The following SYNRG variants were observed in gnomAD, a reference collection of about 807,000 sequenced individuals.
SYNRG encodes the protein AP1 gamma subunit binding protein 1.
A neutral mutation model predicts 130.9 loss-of-function variants in SYNRG; 37 were observed. That is an observed-to-expected ratio of 0.28 (90% confidence interval 0.22 to 0.37). The LOEUF is 0.37. SYNRG is among the 10% of genes least tolerant of loss of function. The probability of loss-of-function intolerance (pLI) is 1.00; values close to 1 mark genes in which losing one functional copy is unlikely to be tolerated. For synonymous variants in SYNRG, 539 were observed against 568.1 expected (o/e 0.95, Z 0.73); for missense variants, 1,338 against 1,588.9 (o/e 0.84, Z 2.68).
At chr17:37,592,969 T>C (rs2062338417) in intron 3 of SYNRG, among the ~76,000 whole-genome samples, 1 of 152,228 alleles carries the variant, frequency 6.6e-6, no homozygotes, top group African/African-American at 2.4e-5. Flanking sequence ...TTTACACATG[T>C]CCATCATGTG....
At chr17:37,561,706 T>C (rs2059547214) in intron 11 of SYNRG, 117 bp from the exon 12 acceptor site, 6 of 685,012 alleles carry the variant, frequency 8.8e-6, no homozygotes, top group East Asian at 2.7e-5. Context: ...CTCTCTGCTT[T>C]AAAAGTTAGA....
chr17:37,553,776 T>G lies in SYNRG; in HGVS notation c.1947A>C (p.Thr649=). ...ATGCTGTCATAGTAGCAGCAGAACC[T>G]GTTGACTGTGGTGTAGAAACTGATT... ...TSKSVSTPQS[T]GSAATMTALA... Residue 649 remains threonine (T), a synonymous_variant, in exon 14 of 22, where the codon ACA becomes ACC. Coordinates refer to ENST00000612223, the MANE Select transcript of SYNRG (RefSeq NM_007247.6). 2 of 1,612,256 alleles carry G rather than the reference T, an allele frequency of 1.2e-6. No individual in the cohort carries two copies.
At chr17:37,591,557 T>C (rs541539444) in intron 3 of SYNRG, among the ~76,000 whole-genome samples, 1 of 152,322 alleles carries the variant, frequency 6.6e-6, no homozygotes, top group African/African-American at 2.4e-5. Context: ...CCTTATCGTA[T>C]AGCTACCGTC....
chr17:37,553,198 T>A lies in SYNRG; in HGVS notation c.2525A>T (p.Asp842Val), dbSNP rs1401300189. The change falls in exon 14 of 22, where the codon GAT (aspartate) becomes GTT (valine). Residue 842 changes from aspartate (D) to valine (V), a missense_variant. Transcript: ENST00000612223. The stretch of plus-strand genomic sequence containing the variant: ...GACATGCTTAAGATCTCCTCCCACA[T>A]CAGCCAATTTCATGTCAAACTGAAC... Reference protein sequence around the residue: ...LSVQFDMKLADVGGDLKHVMS... With the variant: ...LSVQFDMKLAVVGGDLKHVMS... 2 of 1,614,092 alleles carry A rather than the reference T, an allele frequency of 1.2e-6. No individual in the cohort carries two copies. Among genetic ancestry groups the A allele is most frequent in the African/African-American group, 2.7e-5 (2 of 75,040 alleles).
chr17:37,587,091 A>T (rs1433984066), intron 3 of SYNRG, among the ~76,000 whole-genome samples: 1 of 152,208 alleles, frequency 6.6e-6, no homozygotes, highest in Non-Finnish European at 1.5e-5. Flanking sequence ...ATAATATTAT[A>T]AAGTTTGTTA....
intron 14 of SYNRG, among the ~76,000 whole-genome samples, chr17:37,543,257 T>A (rs909450137): frequency 6.6e-6 from 1 of 151,992 alleles, no homozygotes; most frequent in African/African-American, 2.4e-5. Context: ...AAAAATACAA[T>A]AAAAAGATCT....
rs561694433 is a variant in SYNRG at position 37,559,983 on chromosome 17, G to A, written c.1663+1212C>T. 2.0e-5 allele frequency among the ~76,000 whole-genome samples: 3 copies of A among 151,804 alleles called. No homozygotes were observed. In the East Asian group the frequency reaches 5.8e-4, roughly 30 times the overall value. ...CACAATCATGGCTCATTGCAGCCTC[G>A]ACCTCCCAGGCTCAAGCAATCCTCC... On this transcript the variant is annotated intron_variant, in intron 13 of 21. Coordinates refer to ENST00000612223, the MANE Select transcript of SYNRG (RefSeq NM_007247.6).
At chr17:37,591,520 AAAG>A (rs2062188405) in intron 3 of SYNRG, among the ~76,000 whole-genome samples, 1 of 152,370 alleles carries the variant, frequency 6.6e-6, no homozygotes, top group African/African-American at 2.4e-5. Context: ...TAAATTTTGA[AAAG>A]AAGAAGAATG....
At chr17:37,577,279 C>G in intron 7 of SYNRG, 101 bp downstream of exon 7, 1 of 1,136,164 alleles carries the variant, frequency 8.8e-7, no homozygotes, top group South Asian at 1.4e-5. Context: ...TTTCGATTAG[C>G]AAAATCAAGC....
intron 19 of SYNRG, among the ~76,000 whole-genome samples, chr17:37,527,383 G>C (rs1361385909): frequency 6.6e-6 from 1 of 152,174 alleles, no homozygotes; most frequent in Non-Finnish European, 1.5e-5. Context: ...AACCAGGTGA[G>C]TTTCACCTCT....
At chr17:37,549,204 C>T (rs2058527475) in intron 14 of SYNRG, among the ~76,000 whole-genome samples, 1 of 146,912 alleles carries the variant, frequency 6.8e-6, no homozygotes, top group Non-Finnish European at 1.5e-5. Context: ...TAAAAAAGAA[C>T]AAAGAATTAA....
intron 19 of SYNRG, among the ~76,000 whole-genome samples, chr17:37,533,926 CTTTTTTTTTT>C (rs765621244): frequency 7.6e-4 from 44 of 57,812 alleles, no homozygotes; most frequent in Admixed American, 2.5e-3. Flanking sequence ...ATTTTCTTTT[CTTTTTTTTTT>C]TTTTTTTTTT....
chr17:37,544,562 G>A (rs1024225315), intron 14 of SYNRG, among the ~76,000 whole-genome samples: 10 of 152,074 alleles, frequency 6.6e-5, no homozygotes, highest in African/African-American at 9.7e-5. Flanking sequence ...TGATCCGCCC[G>A]TCTCGGCCTC....
intron 6 of SYNRG, among the ~76,000 whole-genome samples, chr17:37,583,855 C>G (rs1004346397): frequency 1.3e-5 from 2 of 152,016 alleles, no homozygotes; most frequent in Non-Finnish European, 2.9e-5. Flanking sequence ...CAACCATGCC[C>G]AGCTTATTTT....
chr17:37,603,031 T>TCAAAA (rs569309142), intron 1 of SYNRG, among the ~76,000 whole-genome samples: 1,663 of 152,054 alleles, frequency 0.011, 16 homozygotes, highest in Non-Finnish European at 0.017. Flanking sequence ...AGACTCTGTC[T>TCAAAA]CAAAACAAAA....
Position 37,583,120 on chromosome 17 carries a change from G to A in SYNRG, c.589+1528C>T, listed in dbSNP as rs575974590. ...ATTCTCTTGCCTCAGCCTACCAAGT[G>A]ACTGAGATTATAGGGACGTGCCACC... On this transcript the variant is annotated intron_variant, in intron 6 of 21. Transcript: ENST00000612223. Among the ~76,000 whole-genome samples, 203 of 151,686 alleles carry A rather than the reference G, an allele frequency of 1.3e-3. 1 individual carries two copies. The highest frequency in any genetic ancestry group is 4.7e-3 in the African/African-American group (196 of 41,370).
intron 1 of SYNRG, among the ~76,000 whole-genome samples, chr17:37,607,434 T>C (rs928429103): frequency 8.5e-5 from 13 of 152,210 alleles, no homozygotes; most frequent in African/African-American, 3.1e-4. Flanking sequence ...TGATTAATCA[T>C]ATACTTGATC....
rs1330187835 is a variant in SYNRG, at chr17:37,553,421, G to A, written c.2302C>T (p.Pro768Ser). The change falls in exon 14 of 22, where the codon CCT becomes TCT. Residue 768 changes from proline (P) to serine (S), a missense_variant. Around this residue, in one of 3 missense-constraint regions of SYNRG, gnomAD observed 1,146 missense variants for 1,342.3 expected, o/e 0.85. Coordinates refer to ENST00000612223, the MANE Select transcript of SYNRG (RefSeq NM_007247.6). ...LGVEDLKDNT[P>S]SGKSDDDFAD... The stretch of plus-strand genomic sequence containing the variant: ...AAATCATCATCACTTTTTCCTGAAG[G>A]AGTGTTATCTTTCAGGTCTTCAACA... The A allele has an allele frequency of 6.2e-7, 1 of 1,614,190 alleles. No homozygotes were observed. Among genetic ancestry groups the A allele is most frequent in the Admixed American group, 1.7e-5 (1 of 60,020 alleles).
intron 10 of SYNRG, among the ~76,000 whole-genome samples, 162 bp downstream of exon 10, chr17:37,570,475 A>T (rs940478000): frequency 6.6e-6 from 1 of 152,228 alleles, no homozygotes; most frequent in Non-Finnish European, 1.5e-5. Context: ...GAAAAACTAA[A>T]GTATTTTAAT....
Sources: allele counts gnomAD v4.1 joint callset (sites outside exome capture counted in the v4.1 genomes callset), GRCh38; gene constraint gnomAD v4.1.1; regional missense constraint gnomAD v4.1.1; transcripts MANE v1.5; gene names NCBI Gene and HGNC (gene_info 2026-07-23, HGNC 2026-07-21).